The following MYLK variants were observed in gnomAD, a reference collection of about 807,000 sequenced individuals.
The protein encoded by MYLK is myosin light chain kinase, smooth muscle.
A neutral mutation model predicts 203.4 loss-of-function variants in MYLK; 106 were observed. The observed-to-expected ratio is 0.52, with a 90% CI of 0.45 to 0.61. MYLK has a LOEUF of 0.61. Ranked by LOEUF, MYLK falls within the 20% of genes least tolerant of loss-of-function variation. The probability of loss-of-function intolerance (pLI) is 0.00; values close to 1 mark genes in which losing one functional copy is unlikely to be tolerated. For missense variants in MYLK, 2,072 were observed against 2,442.3 expected, an observed-to-expected ratio of 0.85 and a Z score of 3.20; for synonymous variants, 867 against 959.5, an observed-to-expected ratio of 0.90 and a Z score of 1.78.
At chr3:123,762,000 G>A (rs997317787) in intron 4 of MYLK, among the ~76,000 whole-genome samples, 8 of 152,024 alleles carry the variant, frequency 5.3e-5, no homozygotes, top group African/African-American at 9.7e-5. Context: ...GCACACCAGC[G>A]TGGGCAACAA....
chr3:123,799,584 G>T (rs1236765430), intron 3 of MYLK, among the ~76,000 whole-genome samples: 4 of 152,166 alleles, frequency 2.6e-5, no homozygotes. Context: ...AGGCTCCGCA[G>T]TCTACCGTGA....
chr3:123,643,554 T>C (rs1272846875), intron 27 of MYLK, among the ~76,000 whole-genome samples: 2 of 152,244 alleles, frequency 1.3e-5, no homozygotes, highest in African/African-American at 2.4e-5. Context: ...GCAGGATTAA[T>C]GGTTCTGTGG....
In MYLK at chr3:123,731,865, C is replaced by T. The variant is rs978502123; in HGVS notation, c.1516+1031G>A. Among the ~76,000 whole-genome samples, 15 of 151,728 alleles carry T rather than the reference C, an allele frequency of 9.9e-5. 1 individual carries two copies. The highest frequency in any genetic ancestry group is 8.5e-4 in the Admixed American group (13 of 15,238). ...ATTAAATCTTATCAGTGTCCAAATTCTCTTGATGTTCCCATAAAAACTTTT... is the reference window on the plus strand; with the variant it reads ...ATTAAATCTTATCAGTGTCCAAATTTTCTTGATGTTCCCATAAAAACTTTT... On this transcript the variant is annotated intron_variant, in intron 11 of 33. Transcript: ENST00000360304.
chr3:123,699,953 C>T (rs909316727), intron 18 of MYLK, 67 bp downstream of exon 18: 64 of 1,607,790 alleles, frequency 4.0e-5, no homozygotes, highest in Middle Eastern at 3.3e-4. Flanking sequence ...GCGAGACCAA[C>T]GCTCCATGAG....
At chr3:123,719,060 G>T (rs2062001274) in intron 13 of MYLK, among the ~76,000 whole-genome samples, 1 of 152,206 alleles carries the variant, frequency 6.6e-6, no homozygotes, top group Non-Finnish European at 1.5e-5. Context: ...AGTCACTGAG[G>T]AGGGAAGGCA....
chr3:123,665,843 G>A (rs959808963), intron 22 of MYLK, among the ~76,000 whole-genome samples: 1 of 152,170 alleles, frequency 6.6e-6, no homozygotes, highest in Non-Finnish European at 1.5e-5. Context: ...GAATCAGTGG[G>A]CTGGCACAGA....
intron 3 of MYLK, among the ~76,000 whole-genome samples, chr3:123,796,357 G>A (rs973712874): frequency 5.9e-5 from 9 of 152,094 alleles, no homozygotes; most frequent in African/African-American, 2.2e-4. Flanking sequence ...CCAAGCACCT[G>A]GCGCCAGAGC....
intron 20 of MYLK, among the ~76,000 whole-genome samples, chr3:123,674,091 C>G (rs1324814892): frequency 6.6e-6 from 1 of 152,152 alleles, no homozygotes; most frequent in African/African-American, 2.4e-5. Flanking sequence ...AACTACCTGA[C>G]CATCATCTCC....
intron 24 of MYLK, 59 bp from the exon 25 acceptor site, chr3:123,649,253 T>A: frequency 6.2e-7 from 1 of 1,607,654 alleles, no homozygotes. Context: ...GAAGGCCCAC[T>A]GAGAGCAAGA....
chr3:123,776,212 G>A (rs2064072145), intron 4 of MYLK, among the ~76,000 whole-genome samples: 2 of 152,182 alleles, frequency 1.3e-5, no homozygotes, highest in South Asian at 2.1e-4. Flanking sequence ...CAAGCTACGA[G>A]CTGGGGCAGG....
intron 6 of MYLK, among the ~76,000 whole-genome samples, chr3:123,739,410 G>A (rs4678050): frequency 0.93 from 141,613 of 152,270 alleles, 66,650 homozygotes; most frequent in East Asian, 1. Context: ...AGAACCTCCT[G>A]TGAGGCTCTG....
At chr3:123,809,450 C>T (rs1348199782) in intron 3 of MYLK, among the ~76,000 whole-genome samples, 1 of 152,168 alleles carries the variant, frequency 6.6e-6, no homozygotes, top group African/African-American at 2.4e-5. Flanking sequence ...CGCTTGAACC[C>T]AGGAGGCGGA....
intron 3 of MYLK, among the ~76,000 whole-genome samples, chr3:123,809,220 TG>T (rs1228950539): frequency 6.6e-6 from 1 of 152,168 alleles, no homozygotes; most frequent in African/African-American, 2.4e-5. Flanking sequence ...CTGACCTCTC[TG>T]GGGTTAGAAG....
intron 3 of MYLK, among the ~76,000 whole-genome samples, chr3:123,811,237 C>T (rs748381241): frequency 1.3e-5 from 2 of 152,052 alleles, no homozygotes; most frequent in African/African-American, 2.4e-5. Flanking sequence ...CATTTGCACT[C>T]GGGGTGAGGG....
At chr3:123,770,554 C>T (rs550364344) in intron 4 of MYLK, among the ~76,000 whole-genome samples, 2 of 152,278 alleles carry the variant, frequency 1.3e-5, no homozygotes, top group African/African-American at 2.4e-5. Context: ...TGACAGACTG[C>T]GTCCAGGTAC....
At chr3:123,615,736 A>G (rs1228886039) in intron 33 of MYLK, among the ~76,000 whole-genome samples, 2 of 151,960 alleles carry the variant, frequency 1.3e-5, no homozygotes, top group South Asian at 2.1e-4. Context: ...GCAACTTCCA[A>G]TGTCCAGGCT....
intron 28 of MYLK, chr3:123,639,151 T>A: frequency 2.6e-6 from 2 of 775,036 alleles, no homozygotes; most frequent in Non-Finnish European, 1.6e-6. Context: ...CCTATTTGTT[T>A]AATTTATTGG....
intron 3 of MYLK, 177 bp downstream of exon 3, chr3:123,831,371 T>G: frequency 7.8e-7 from 1 of 1,289,260 alleles, no homozygotes; most frequent in South Asian, 1.2e-5. Flanking sequence ...CAGACAATGC[T>G]ACAGCATACT....
chr3:123,722,027 G>C lies in MYLK; in HGVS notation c.1804+101C>G, dbSNP rs557876511. ...GTGCCATGTGCACCTCTGCTCCCTGGATTTGAGCTCATGATACCATTTTCT... is the reference window on the plus strand; with the variant it reads ...GTGCCATGTGCACCTCTGCTCCCTGCATTTGAGCTCATGATACCATTTTCT... On this transcript the variant is annotated intron_variant, in intron 13 of 33. Transcript: ENST00000360304. The C allele has an allele frequency of 1.1e-3, 1,643 of 1,475,792 alleles. 5 individuals carry two copies. Among genetic ancestry groups the C allele is most frequent in the Non-Finnish European group, 1.4e-3 (1,496 of 1,079,602 alleles). The allele number at this position is 1,475,792 out of a possible 1,614,324, so 91.4% of individuals were successfully genotyped here. A position where few individuals can be genotyped will look rare whatever the true frequency, so the allele number is the denominator to read the frequency against.
Sources: gnomAD v4.1 joint callset for allele counts (sites outside exome capture counted in the v4.1 genomes callset) on GRCh38, gnomAD v4.1.1 for gene constraint, MANE v1.5 for transcripts, NCBI Gene and HGNC (gene_info 2026-07-23, HGNC 2026-07-21) for gene names.